The following GEMIN8 variants were observed in gnomAD, a reference collection of about 807,000 sequenced individuals.
The protein encoded by GEMIN8 is gem nuclear organelle associated protein 8.
For synonymous variants in GEMIN8, 80 were observed against 78.5 expected (o/e 1.02, Z -0.10); for missense variants, 185 against 205.9 (o/e 0.90, Z 0.62).
downstream of GEMIN8, among the ~76,000 whole-genome samples, chrX:14,004,999 C>G (rs1032753372): frequency 9.0e-6 from 1 of 111,668 alleles, no homozygotes; most frequent in African/African-American, 3.3e-5. Context: ...CTGCCTGCCC[C>G]CCATTGTGTG....
At chrX:13,990,026 G>T in the GEMIN8 span, among the ~76,000 whole-genome samples, 5 of 112,747 alleles carry the variant, frequency 4.4e-5, no homozygotes, top group South Asian at 3.7e-4. Flanking sequence ...ATTATGTGCT[G>T]TCCATGTGGC....
intron 3 of GEMIN8, among the ~76,000 whole-genome samples, 163 bp downstream of exon 3, chrX:14,021,301 C>T (rs1924296441): frequency 9.6e-6 from 1 of 104,170 alleles, no homozygotes; most frequent in African/African-American, 3.5e-5. Flanking sequence ...TGTTAAATGA[C>T]GAGTTAATGG....
At chrX:13,989,154 TC>T in the GEMIN8 span, among the ~76,000 whole-genome samples, 2 of 111,420 alleles carry the variant, frequency 1.8e-5, no homozygotes, top group Non-Finnish European at 3.8e-5. Context: ...AATGGCACAA[TC>T]AGGGCTCACT....
At chrX:13,997,034 C>T in the GEMIN8 span, among the ~76,000 whole-genome samples, 4 of 107,109 alleles carry the variant, frequency 3.7e-5, no homozygotes, top group African/African-American at 6.9e-5. Flanking sequence ...CTCCACCTCC[C>T]GGGTTCAAGC....
At chrX:13,984,544 C>A in the GEMIN8 span, among the ~76,000 whole-genome samples, 1 of 111,935 alleles carries the variant, frequency 8.9e-6, no homozygotes. Context: ...TGTGCAGTTG[C>A]AATGCCTAAA....
At chrX:14,014,497 C>G in intron 4 of GEMIN8, 1 of 750,378 alleles carries the variant, frequency 1.3e-6, no homozygotes, top group Non-Finnish European at 1.6e-6. Context: ...GCCATTAACA[C>G]GTATCATCTC....
chrX:14,025,761 C>T (rs1342613836), intron 2 of GEMIN8, among the ~76,000 whole-genome samples: 1 of 111,823 alleles, frequency 8.9e-6, no homozygotes, highest in African/African-American at 3.3e-5. Flanking sequence ...TTCTGCAAAA[C>T]CATATCAATC....
At chrX:14,014,379 C>T (rs1470874505) in intron 4 of GEMIN8, 3 of 750,619 alleles carry the variant, frequency 4.0e-6, no homozygotes, top group African/African-American at 4.7e-5. Flanking sequence ...CTCTCTTCGT[C>T]GCACATCCCT....
downstream of GEMIN8, among the ~76,000 whole-genome samples, chrX:14,001,871 C>T (rs1221652887): frequency 1.9e-5 from 2 of 105,459 alleles, no homozygotes; most frequent in African/African-American, 6.8e-5. Context: ...GCCTGTAATC[C>T]CAGCACTTTG....
At chrX:13,999,794 T>C in the GEMIN8 span, among the ~76,000 whole-genome samples, 1 of 111,740 alleles carries the variant, frequency 8.9e-6, no homozygotes, top group African/African-American at 3.3e-5. Flanking sequence ...CATGTTTAAA[T>C]TGGGGTTATG....
intron 4 of GEMIN8, among the ~76,000 whole-genome samples, chrX:14,012,982 G>A (rs1923665630): frequency 8.9e-6 from 1 of 112,082 alleles, no homozygotes; most frequent in African/African-American, 3.2e-5. Context: ...AAACCAGTCA[G>A]TTTAAAACCA....
chrX:13,986,803 T>C, the GEMIN8 span, among the ~76,000 whole-genome samples: 1 of 111,995 alleles, frequency 8.9e-6, no homozygotes, highest in African/African-American at 3.2e-5. Flanking sequence ...TATTGGGGGA[T>C]GACCACAATG....
At chrX:14,018,161 T>C (rs929806373) in intron 4 of GEMIN8, among the ~76,000 whole-genome samples, 7 of 112,199 alleles carry the variant, frequency 6.2e-5, no homozygotes, top group Non-Finnish European at 9.4e-5. Flanking sequence ...AAGTGGCAAG[T>C]ATGACTTAGC....
chrX:14,014,276 T>C (rs1923763335), intron 4 of GEMIN8: 8 of 753,735 alleles, frequency 1.1e-5, no homozygotes, highest in Non-Finnish European at 1.3e-5. Flanking sequence ...ACAAACTTGA[T>C]GTATGCCATG....
intron 3 of GEMIN8, among the ~76,000 whole-genome samples, chrX:14,021,111 A>G (rs1924277636): frequency 9.1e-6 from 1 of 109,663 alleles, no homozygotes; most frequent in Non-Finnish European, 1.9e-5. Flanking sequence ...ACCAAACTTT[A>G]AAGACTAAAA....
In GEMIN8 at chrX:14,009,489, C is replaced by T. The variant is rs780246196; in HGVS notation, c.473-320G>A. ...GGGAGGATGGCTTGAGCCCAGGGGG[C>T]AGAGATTGCAGTGTACCACTATACT... On this transcript the variant is annotated intron_variant, in intron 4 of 4. Transcript: ENST00000680255. 2.7e-5 allele frequency among the ~76,000 whole-genome samples: 3 copies of T among 110,595 alleles called. No homozygotes were observed. In the South Asian group the frequency reaches 1.2e-3, roughly 43 times the overall value.
intron 2 of GEMIN8, among the ~76,000 whole-genome samples, chrX:14,021,814 GTATATATATATATA>G (rs147147045): frequency 2.0e-4 from 16 of 78,276 alleles, no homozygotes; most frequent in African/African-American, 6.2e-4. Flanking sequence ...TAATGTGTGT[GTATATATATATATA>G]TATATATATA....
chrX:13,989,772 A>G, the GEMIN8 span, among the ~76,000 whole-genome samples: 2 of 112,747 alleles, frequency 1.8e-5, no homozygotes, highest in Non-Finnish European at 3.7e-5. Flanking sequence ...GCCTTAGCTG[A>G]GAACAGAAAG....
chrX:14,029,402 G>C (rs1924866486), intron 1 of GEMIN8: 1 of 112,142 alleles, frequency 8.9e-6, no homozygotes, highest in African/African-American at 3.2e-5. Flanking sequence ...ACCTTAACAC[G>C]GTGGTTCTCG....
Sources: allele counts gnomAD v4.1 joint callset (sites outside exome capture counted in the v4.1 genomes callset), GRCh38; gene constraint gnomAD v4.1.1; transcripts MANE v1.5; gene names NCBI Gene and HGNC (gene_info 2026-07-23, HGNC 2026-07-21).